Variants in AGL observed in about 807,000 individuals in gnomAD.
The protein encoded by AGL is amylo-alpha-1,6-glucosidase and 4-alpha-glucanotransferase.
Under a neutral mutation model 199.3 loss-of-function variants are expected in AGL, and 128 were observed. The observed-to-expected ratio is 0.64, with a 90% CI of 0.56 to 0.74. AGL has a LOEUF of 0.74. Ranked by LOEUF, AGL falls within the 30% of genes least tolerant of loss-of-function variation. The pLI, the probability that AGL is intolerant of heterozygous loss-of-function variation, is 0.00. For missense variants in AGL, 1,809 were observed against 1,820.8 expected (o/e 0.99, Z 0.12); for synonymous variants, 584 against 594.7 (o/e 0.98, Z 0.26).
In AGL at chr1:99,891,715, A is replaced by T. The variant is rs1174624931; in HGVS notation, c.3059A>T (p.Asp1020Val). 6.2e-7 allele frequency: 1 copy of T among 1,613,604 alleles called. No individual in the cohort carries two copies. Among genetic ancestry groups the T allele is most frequent in the Non-Finnish European group, 8.5e-7 (1 of 1,179,632 alleles). ...ATTGGTGCATATACCACTCTTCTGG[A>T]TACAGCATGGAAGCAGATGTCAAGG... The part of the protein sequence containing the change: ...ILIGAYTTLL[D>V]TAWKQMSSFV... The change falls in exon 23 of 34, where the codon GAT becomes GTT. Residue 1020 changes from aspartate (D) to valine (V), a missense_variant. Coordinates refer to ENST00000361915, the MANE Select transcript of AGL (RefSeq NM_000642.3).
rs1049071977 is a variant in AGL at position 99,916,870 on chromosome 1, A to T, written c.4481+139A>T. ...AAAAGTGAAGCCTTTATTCTTTAAC[A>T]TGACAAATTCTGTTATATAATTTTC... On this transcript the variant is annotated intron_variant, in intron 33 of 33. Coordinates refer to ENST00000361915, the MANE Select transcript of AGL (RefSeq NM_000642.3). 4.5e-5 allele frequency: 41 copies of T among 919,654 alleles called. No homozygotes were observed. The African/African-American group carries it at 6.9e-4, about 16-fold the overall frequency. 57.0% of individuals were successfully genotyped at this position (919,654 alleles called of 1,614,324 possible). A position where few individuals can be genotyped will look rare whatever the true frequency, so the allele number is the denominator to read the frequency against.
intron 2 of AGL, chr1:99,861,122 G>A: frequency 2.9e-6 from 3 of 1,036,178 alleles, no homozygotes; most frequent in Non-Finnish European, 3.6e-6. Context: ...GTTGCAGTTA[G>A]AAAAATACTA....
chr1:99,893,042 T>C (rs1337642487), intron 24 of AGL, among the ~76,000 whole-genome samples: 1 of 152,232 alleles, frequency 6.6e-6, no homozygotes, highest in Non-Finnish European at 1.5e-5. Context: ...AATCAAATGC[T>C]TTCAACATTT....
chr1:99,921,828 T>A lies in AGL; in HGVS notation c.*177T>A. On this transcript the variant is annotated 3_prime_UTR_variant, in exon 34 of 34. Coordinates refer to ENST00000361915, the MANE Select transcript of AGL (RefSeq NM_000642.3). ...TTTTTTTTAATGTACAGAGGTAGAT[T>A]TCAATTTGAATCAGAAAGAAATATC... The A allele has an allele frequency of 2.3e-6, 1 of 430,320 alleles. No individual in the cohort carries two copies. The highest frequency in any genetic ancestry group is 4.1e-6 in the Non-Finnish European group (1 of 243,442). 26.7% of individuals were successfully genotyped at this position (430,320 alleles called of 1,614,324 possible).
rs752877022 is a variant in AGL, at chr1:99,915,390, C to T, written c.4163C>T (p.Ala1388Val). The T allele has an allele frequency of 1.9e-6, 3 of 1,612,848 alleles. No individual in the cohort carries two copies. The highest frequency in any genetic ancestry group is 1.7e-5 in the Admixed American group (1 of 59,910). ...RPNFTIAMVVAPELFTTEKAW... is the reference protein window; with the variant it reads ...RPNFTIAMVVVPELFTTEKAW... ...ATATTTGTTTTTGGCATTCACTAGGCCCCTGAGCTCTTTACTACAGAAAAA... is the reference window on the plus strand; with the variant it reads ...ATATTTGTTTTTGGCATTCACTAGGTCCCTGAGCTCTTTACTACAGAAAAA... The change falls in exon 31 of 34, where the codon GCC becomes GTC. Residue 1388 changes from alanine to valine, a missense_variant and splice_region_variant. Coordinates refer to ENST00000361915, the MANE Select transcript of AGL (RefSeq NM_000642.3).
intron 27 of AGL, among the ~76,000 whole-genome samples, chr1:99,904,991 G>A (rs1654147920): frequency 1.3e-5 from 2 of 152,188 alleles, no homozygotes; most frequent in Admixed American, 1.3e-4. Flanking sequence ...TGGGATAAAT[G>A]TCCAAGAATG....
intron 28 of AGL, 50 bp downstream of exon 28, chr1:99,910,897 C>G: frequency 6.3e-7 from 1 of 1,576,728 alleles, no homozygotes; most frequent in Admixed American, 1.7e-5. Flanking sequence ...TTTAAGAAAG[C>G]ACTTACTTGT....
chr1:99,855,588 A>G (rs1649354506), intron 2 of AGL, among the ~76,000 whole-genome samples: 1 of 151,992 alleles, frequency 6.6e-6, no homozygotes, highest in Non-Finnish European at 1.5e-5. Flanking sequence ...TTGACCTGAG[A>G]TCAGGAGTTC....
At position 99,886,845 on chromosome 1, in the gene AGL, A is replaced by G. The variant is rs531512710; in HGVS notation, c.2682-1133A>G. 2.0e-3 allele frequency among the ~76,000 whole-genome samples: 309 copies of G among 152,362 alleles called. 3 individuals are homozygous for G. Among genetic ancestry groups the G allele is most frequent in the South Asian group, 0.016 (75 of 4,832 alleles). On this transcript the variant is annotated intron_variant, in intron 20 of 33. Transcript: ENST00000361915. ...TAATAAAGTAGTTGCATTCTTAACCAAAAAATCTGTGATGAAGCAGCTTTG... is the reference window on the plus strand; with the variant it reads ...TAATAAAGTAGTTGCATTCTTAACCGAAAAATCTGTGATGAAGCAGCTTTG...
Position 99,870,920 on chromosome 1 carries a change from T to A in AGL, c.958+51T>A, listed in dbSNP as rs746611877. ...CTATCGATTTTAAGAAATGTAATAT[T>A]ATAAAGGGAAAACTCTCTTTTGGGT... On this transcript the variant is annotated intron_variant, in intron 7 of 33. Coordinates refer to ENST00000361915, the MANE Select transcript of AGL (RefSeq NM_000642.3). 7 of 1,151,946 alleles carry A rather than the reference T, an allele frequency of 6.1e-6. No homozygotes were observed. The South Asian group carries it at 7.8e-5, about 13-fold the overall frequency. 71.4% of individuals were successfully genotyped at this position (1,151,946 alleles called of 1,614,324 possible). A position where few individuals can be genotyped will look rare whatever the true frequency, so the allele number is the denominator to read the frequency against.
At chr1:99,861,312 TA>T (rs1650012531) in intron 2 of AGL, 190 bp from the exon 3 acceptor site, 1 of 1,458,912 alleles carries the variant, frequency 6.9e-7, no homozygotes, top group African/African-American at 1.4e-5. Flanking sequence ...TGATGTTTAC[TA>T]TACTTGCTAA....
intron 30 of AGL, among the ~76,000 whole-genome samples, chr1:99,914,811 TCA>T (rs1425903925): frequency 1.3e-5 from 2 of 152,140 alleles, no homozygotes; most frequent in Admixed American, 1.3e-4. Context: ...GTTCAGTGGC[TCA>T]CACCTGTAAT....
At chr1:99,850,644 T>C (rs937938988) in intron 1 of AGL, 5 of 241,828 alleles carry the variant, frequency 2.1e-5, no homozygotes, top group African/African-American at 1.2e-4. Context: ...ATTCGGAGTC[T>C]CCAGAGCCCT....
At chr1:99,867,354 C>G (rs995099392) in intron 5 of AGL, among the ~76,000 whole-genome samples, 2 of 152,106 alleles carry the variant, frequency 1.3e-5, no homozygotes, top group African/African-American at 4.8e-5. Flanking sequence ...AAGACCTGCT[C>G]CATTATCTTA....
intron 2 of AGL, among the ~76,000 whole-genome samples, chr1:99,856,219 G>T (rs981321476): frequency 6.6e-6 from 1 of 152,030 alleles, no homozygotes; most frequent in Non-Finnish European, 1.5e-5. Flanking sequence ...TGCATTAGAG[G>T]TCTACAGAGT....
intron 2 of AGL, among the ~76,000 whole-genome samples, chr1:99,852,128 G>A (rs1649001805): frequency 6.6e-6 from 1 of 151,922 alleles, no homozygotes; most frequent in Admixed American, 6.6e-5. Context: ...GTATCTGCTA[G>A]GAATTCTTTT....
chr1:99,884,815 C>A, intron 20 of AGL, 112 bp downstream of exon 20: 2 of 1,290,066 alleles, frequency 1.6e-6, no homozygotes, highest in Non-Finnish European at 2.2e-6. Flanking sequence ...AAGTACGGTC[C>A]AAGGACCAGC....
chr1:99,852,372 T>TTTTTTTTTTTTTTTTTTTTC (rs1649031257), intron 2 of AGL, among the ~76,000 whole-genome samples: 1 of 96,122 alleles, frequency 1.0e-5, no homozygotes, highest in African/African-American at 4.3e-5. Flanking sequence ...TTTTTTTTTT[T>TTTTTTTTTTTTTTTTTTTTC]CCTTTTCTCT....
At chr1:99,886,172 T>C (rs908568930) in intron 20 of AGL, among the ~76,000 whole-genome samples, 11 of 152,218 alleles carry the variant, frequency 7.2e-5, no homozygotes, top group African/African-American at 2.7e-4. Context: ...CAGACTCTTA[T>C]TAGCTATAAG....
Sources: allele counts gnomAD v4.1 joint callset (sites outside exome capture counted in the v4.1 genomes callset), GRCh38; gene constraint gnomAD v4.1.1; transcripts MANE v1.5; gene names NCBI Gene and HGNC (gene_info 2026-07-23, HGNC 2026-07-21).